The following MYZAP variants were observed in gnomAD, a reference collection of about 807,000 sequenced individuals.
MYZAP encodes the protein GRINL1A complex locus upstream.
A neutral mutation model predicts 69.4 loss-of-function variants in MYZAP; 66 were observed. That is an observed-to-expected ratio of 0.95 (90% CI 0.78 to 1.17). The LOEUF (loss-of-function observed/expected upper bound fraction) is 1.17, where lower values mean the gene tolerates loss of function less well. Among genes scored for constraint, MYZAP ranks in the 50% most tolerant of loss-of-function variants. The probability of loss-of-function intolerance (pLI) is 0.00; values close to 1 mark genes in which losing one functional copy is unlikely to be tolerated. For synonymous variants in MYZAP, 256 were observed against 205.9 expected (o/e 1.24, Z -2.09); for missense variants, 611 against 556.2 (o/e 1.10, Z -0.99).
intron 10 of MYZAP, among the ~76,000 whole-genome samples, chr15:57,657,589 C>G (rs1180733544): frequency 6.6e-6 from 1 of 152,080 alleles, no homozygotes; most frequent in East Asian, 1.9e-4. Flanking sequence ...ATTGATATTT[C>G]ATAATTTATT....
At chr15:57,619,068 G>C (rs2035651190) in intron 3 of MYZAP, among the ~76,000 whole-genome samples, 1 of 152,246 alleles carries the variant, frequency 6.6e-6, no homozygotes, top group African/African-American at 2.4e-5. Flanking sequence ...CTCATGTTGA[G>C]ATTGTGGGGG....
At chr15:57,676,029 C>A (rs1005173763) in intron 12 of MYZAP, among the ~76,000 whole-genome samples, 3 of 152,082 alleles carry the variant, frequency 2.0e-5, no homozygotes, top group South Asian at 4.2e-4. Context: ...AGTGACGAGC[C>A]GATCACCAAG....
intron 11 of MYZAP, among the ~76,000 whole-genome samples, chr15:57,674,213 C>T (rs1477325740): frequency 6.6e-6 from 1 of 152,108 alleles, no homozygotes; most frequent in African/African-American, 2.4e-5. Flanking sequence ...GTATCTTCAA[C>T]TTCTTTGTCT....
At chr15:57,682,340 G>A (rs1304836749) in intron 12 of MYZAP, among the ~76,000 whole-genome samples, 1 of 152,188 alleles carries the variant, frequency 6.6e-6, no homozygotes, top group Non-Finnish European at 1.5e-5. Flanking sequence ...CTAATGGCAA[G>A]AGAAGCTGGG....
intron 2 of MYZAP, among the ~76,000 whole-genome samples, chr15:57,616,549 T>C (rs905122853): frequency 6.6e-6 from 1 of 152,106 alleles, no homozygotes; most frequent in Non-Finnish European, 1.5e-5. Context: ...GGTAGGAGAA[T>C]TGGTTGAACC....
rs553503475 is a variant in MYZAP, at chr15:57,684,455, A to G, written c.1358A>G (p.Tyr453Cys). ...IVMPSRNYTPYTRVLELTMKK... is the reference protein window; with the variant it reads ...IVMPSRNYTPCTRVLELTMKK... ...ATGCCTTCTAGGAACTACACCCCAT[A>G]CACAAGAGTCCTGGAGTTAACCATG... Residue 453 changes from tyrosine to cysteine, a missense_variant, in exon 13 of 13, where the codon TAC becomes TGC. Tyr to Cys is a radical substitution (Grantham distance 194). Transcript: ENST00000267853. The G allele has an allele frequency of 3.1e-6, 5 of 1,613,584 alleles. No homozygotes were observed. In the East Asian group the frequency reaches 8.9e-5, roughly 29 times the overall value.
chr15:57,652,611 C>G (rs1250700125), intron 10 of MYZAP, among the ~76,000 whole-genome samples: 1 of 152,098 alleles, frequency 6.6e-6, no homozygotes, highest in African/African-American at 2.4e-5. Context: ...AGACACAATT[C>G]CTCTTTTGTT....
At chr15:57,678,186 A>G (rs1433569981) in intron 12 of MYZAP, among the ~76,000 whole-genome samples, 4 of 152,026 alleles carry the variant, frequency 2.6e-5, no homozygotes, top group African/African-American at 9.7e-5. Flanking sequence ...ACTTGATGAA[A>G]CCCTGTCTCT....
intron 8 of MYZAP, among the ~76,000 whole-genome samples, chr15:57,635,728 G>C (rs2042697): frequency 0.58 from 88,729 of 152,156 alleles, 26,371 homozygotes; most frequent in African/African-American, 0.7. Context: ...TGGCCAAATC[G>C]CTGTCTCACA....
chr15:57,602,633 C>T (rs984541289), intron 1 of MYZAP, among the ~76,000 whole-genome samples: 3 of 152,190 alleles, frequency 2.0e-5, no homozygotes, highest in African/African-American at 4.8e-5. Flanking sequence ...ACAGCACTCC[C>T]GCGAACTGAG....
At chr15:57,614,621 G>C (rs1364107074) in intron 2 of MYZAP, among the ~76,000 whole-genome samples, 1 of 152,198 alleles carries the variant, frequency 6.6e-6, no homozygotes. Context: ...GTTGGGGATG[G>C]GCAGGGGAAG....
intron 11 of MYZAP, among the ~76,000 whole-genome samples, chr15:57,672,956 T>G (rs1194316780): frequency 6.6e-6 from 1 of 152,184 alleles, no homozygotes; most frequent in African/African-American, 2.4e-5. Flanking sequence ...TTATCTGTAT[T>G]CCCCCAAGAC....
At chr15:57,605,583 A>T (rs2034690604) in intron 2 of MYZAP, among the ~76,000 whole-genome samples, 1 of 152,188 alleles carries the variant, frequency 6.6e-6, no homozygotes, top group African/African-American at 2.4e-5. Flanking sequence ...TCTACCAAGG[A>T]CAGAGAGCTG....
Position 57,631,693 on chromosome 15 carries a change from C to T in MYZAP, c.679-741C>T, listed in dbSNP as rs184732231. On this transcript the variant is annotated intron_variant, in intron 6 of 12. Transcript: ENST00000267853. ...GTGATGAGAAGGGAGAAGTCAAGGGCGTCAAGAGAGACTTGTCACATCTTG... is the reference window on the plus strand; with the variant it reads ...GTGATGAGAAGGGAGAAGTCAAGGGTGTCAAGAGAGACTTGTCACATCTTG... 3.9e-5 allele frequency among the ~76,000 whole-genome samples: 6 copies of T among 152,246 alleles called. No homozygotes were observed. The East Asian group carries it at 7.7e-4, about 20-fold the overall frequency.
At position 57,593,238 on chromosome 15, in the gene MYZAP, A is replaced by C. The variant is rs542385782; in HGVS notation, c.75+1129A>C. Among the ~76,000 whole-genome samples the C allele has an allele frequency of 8.7e-4, 126 of 144,664 alleles. 2 individuals are homozygous for C. In the South Asian group the frequency reaches 9.4e-3, roughly 11 times the overall value. 94.9% of individuals were successfully genotyped at this position (144,664 alleles called of 152,430 possible). ...CACCCCAGAATCCATCAGTTGGCTC[A>C]TGCCCAAGGTTGACAGAACTCCAGT... On this transcript the variant is annotated intron_variant, in intron 1 of 12. Transcript: ENST00000267853.
At chr15:57,647,312 G>A in intron 10 of MYZAP, 2 of 985,354 alleles carry the variant, frequency 2.0e-6, no homozygotes, top group Non-Finnish European at 2.4e-6. Flanking sequence ...CAGATACGAT[G>A]CTGGGTATTC....
chr15:57,618,160 T>C lies in MYZAP; in HGVS notation c.290T>C (p.Leu97Pro), dbSNP rs775462379. ...MVVYGWSTSQ[L>P]KEEMNYIKDV... is the part of the protein sequence containing the mutation. ...GTGTATGGGTGGTCCACCAGTCAGC[T>C]GAAAGAAGAGATGAACTACATCAAA... Residue 97 changes from leucine to proline, a missense_variant, in exon 3 of 13, where the codon CTG (leucine) becomes CCG (proline). Leu to Pro is a moderately conservative substitution (Grantham distance 98). Transcript: ENST00000267853. The C allele has an allele frequency of 2.5e-6, 4 of 1,613,994 alleles. No homozygotes were observed. Among genetic ancestry groups the C allele is most frequent in the Admixed American group, 1.7e-5 (1 of 59,980 alleles).
intron 4 of MYZAP, among the ~76,000 whole-genome samples, chr15:57,622,486 G>A (rs1298839535): frequency 2.0e-5 from 3 of 152,094 alleles, no homozygotes; most frequent in Non-Finnish European, 4.4e-5. Flanking sequence ...ACGAGAGGGA[G>A]TAGCCTTATT....
chr15:57,619,166 T>C (rs117383937), intron 3 of MYZAP, among the ~76,000 whole-genome samples: 2,246 of 152,274 alleles, frequency 0.015, 30 homozygotes, highest in South Asian at 0.045. Context: ...TGCAAACTCA[T>C]GATGTCTTCG....
Sources: allele counts gnomAD v4.1 joint callset (sites outside exome capture counted in the v4.1 genomes callset), GRCh38; gene constraint gnomAD v4.1.1; transcripts MANE v1.5; gene names NCBI Gene and HGNC (gene_info 2026-07-23, HGNC 2026-07-21).